Variants in MMP12 observed in about 807,000 individuals in gnomAD.
The protein encoded by MMP12 is matrix metallopeptidase 12.
In MMP12, 51 loss-of-function variants were observed where a neutral mutation model predicts 45.2. That is an observed-to-expected ratio of 1.13 (90% confidence interval 0.90 to 1.42). MMP12 has a LOEUF of 1.42. Among genes scored for constraint, MMP12 ranks in the 40% most tolerant of loss-of-function variants. The pLI, the probability that MMP12 is intolerant of heterozygous loss-of-function variation, is 0.00. For missense variants in MMP12, 530 were observed against 570.8 expected (o/e 0.93, Z 0.73); for synonymous variants, 210 against 193.3 (o/e 1.09, Z -0.72).
In MMP12 at chr11:102,872,977, C is replaced by G. The variant is rs1555009622; in HGVS notation, c.238G>C (p.Asp80His). ...FLGLKVTGQL[D>H]TSTLEMMHAP... ...TGCATCATCTCCAGGGTAGATGTGTCCAGTTGCCCGGTCACTTTCAGACCC... is the reference window on the plus strand; with the variant it reads ...TGCATCATCTCCAGGGTAGATGTGTGCAGTTGCCCGGTCACTTTCAGACCC... The change falls in exon 2 of 10, where the codon GAC (aspartate) becomes CAC (histidine). Residue 80 changes from aspartate (D) to histidine (H), a missense_variant. Transcript: ENST00000571244. 3 of 1,613,568 alleles carry G rather than the reference C, an allele frequency of 1.9e-6. No individual in the cohort carries two copies. Among genetic ancestry groups the G allele is most frequent in the Non-Finnish European group, 2.5e-6 (3 of 1,179,780 alleles).
intron 4 of MMP12, among the ~76,000 whole-genome samples, chr11:102,871,266 C>T (rs1859488953): frequency 6.6e-6 from 1 of 151,992 alleles, no homozygotes; most frequent in African/African-American, 2.4e-5. Context: ...ACAGCTTTTA[C>T]CTTTTCATAT....
intron 6 of MMP12, among the ~76,000 whole-genome samples, chr11:102,866,765 T>C (rs1370023033): frequency 6.6e-6 from 1 of 152,134 alleles, no homozygotes; most frequent in Non-Finnish European, 1.5e-5. Flanking sequence ...TCCTCAAGTG[T>C]ATCAGTCTTA....
Position 102,872,901 on chromosome 11 carries a change from C to A in MMP12, c.314G>T (p.Gly105Val). 6.2e-7 allele frequency: 1 copy of A among 1,613,810 alleles called. No homozygotes were observed. Among genetic ancestry groups the A allele is most frequent in the Non-Finnish European group, 8.5e-7 (1 of 1,179,830 alleles). The change falls in exon 2 of 10, where the codon GGG (glycine) becomes GTG (valine). Residue 105 changes from glycine to valine, a missense_variant. Gly to Val is a moderately radical substitution (Grantham distance 109, BLOSUM62 -3). Transcript: ENST00000571244. The stretch of plus-strand genomic sequence containing the variant: ...ATAATGTTTCCTCCATACGGGCCCC[C>A]CTGGCATTTCCCTGAAATGATGGAC... ...PDVHHFREMP[G>V]GPVWRKHYIT...
In MMP12 at chr11:102,863,014, T is replaced by C; in HGVS notation, c.*86A>G. ...TATTTTTATGATACATATCTCTAAG[T>C]AGTGGTACACTGAGGACATAGCAAA... On this transcript the variant is annotated 3_prime_UTR_variant, in exon 10 of 10. Transcript: ENST00000571244. 1 of 723,556 alleles carries C rather than the reference T, an allele frequency of 1.4e-6. No individual in the cohort carries two copies. Among genetic ancestry groups the C allele is most frequent in the Admixed American group, 2.7e-5 (1 of 37,358 alleles). The allele number at this position is 723,556 out of a possible 1,614,324, so 44.8% of individuals were successfully genotyped here. A position where few individuals can be genotyped will look rare whatever the true frequency, so the allele number is the denominator to read the frequency against.
At chr11:102,869,885 C>T (rs1207232886) in intron 4 of MMP12, among the ~76,000 whole-genome samples, 10 of 152,164 alleles carry the variant, frequency 6.6e-5, no homozygotes, top group African/African-American at 9.7e-5. Flanking sequence ...CACCACTGCA[C>T]TCCAGCCTGG....
Position 102,867,781 on chromosome 11 carries a change from C to A in MMP12, c.787+127G>T. On this transcript the variant is annotated intron_variant, in intron 5 of 9. Transcript: ENST00000571244. ...ATGAAGATAATACCTGTGTCACCTG[C>A]CACACAGGGTTCTTATGCGGCTTAA... The A allele has an allele frequency of 7.3e-6, 7 of 952,694 alleles. No homozygotes were observed. In the South Asian group the frequency reaches 1.0e-4, roughly 14 times the overall value. 59.0% of individuals were successfully genotyped at this position (952,694 alleles called of 1,614,324 possible).
Position 102,865,458 on chromosome 11 carries a change from C to T in MMP12, c.1205+318G>A, listed in dbSNP as rs1221951586. On this transcript the variant is annotated intron_variant, in intron 8 of 9. Transcript: ENST00000571244. The surrounding 1 kb of genome is among the most constrained non-coding windows in gnomAD (Gnocchi z 4.1). ...GGAAATCCATAACCCTCGAAACTGA[C>T]TGTAGATTAAATACTTGGTCTTGTA... Among the ~76,000 whole-genome samples, 16 of 152,184 alleles carry T rather than the reference C, an allele frequency of 1.1e-4. No homozygotes were observed. The highest frequency in any genetic ancestry group is 6.5e-4 in the Admixed American group (10 of 15,270).
intron 1 of MMP12, among the ~76,000 whole-genome samples, chr11:102,873,683 A>C (rs565103513): frequency 6.6e-6 from 1 of 152,320 alleles, no homozygotes; most frequent in Admixed American, 6.5e-5. Flanking sequence ...ATCCCAGTGG[A>C]AGTATCTTTT....
chr11:102,865,720 C>A lies in MMP12; in HGVS notation c.1205+56G>T. 1 of 1,467,074 alleles carries A rather than the reference C, an allele frequency of 6.8e-7. No homozygotes were observed. Among genetic ancestry groups the A allele is most frequent in the South Asian group, 1.4e-5 (1 of 73,992 alleles). 90.9% of individuals were successfully genotyped at this position (1,467,074 alleles called of 1,614,324 possible). A position where few individuals can be genotyped will look rare whatever the true frequency, so the allele number is the denominator to read the frequency against. On this transcript the variant is annotated intron_variant, in intron 8 of 9. Coordinates refer to ENST00000571244, the MANE Select transcript of MMP12 (RefSeq NM_002426.6). The surrounding 1 kb of genome is among the most constrained non-coding windows in gnomAD (Gnocchi z 4.1). ...AGAAAATGTGCCTTCTAGAAAGCCT[C>A]ATTCCATATCTGTTTCACAATCTGA...
In MMP12 at chr11:102,865,273, A is replaced by G. The variant is rs1859364460; in HGVS notation, c.1205+503T>C. Among the ~76,000 whole-genome samples, 2 of 152,228 alleles carry G rather than the reference A, an allele frequency of 1.3e-5. No homozygotes were observed. Among genetic ancestry groups the G allele is most frequent in the African/African-American group, 2.4e-5 (1 of 41,464 alleles). Reference sequence around the variant, plus strand: ...CCTCTCCTCCTTCAAAATGTAGACAATTGAGACAACAGAGACAGACACTCA... The same window carrying G: ...CCTCTCCTCCTTCAAAATGTAGACAGTTGAGACAACAGAGACAGACACTCA... On this transcript the variant is annotated intron_variant, in intron 8 of 9. Transcript: ENST00000571244. This position sits in a 1 kb window ranked among gnomAD's most constrained non-coding sequence, Gnocchi z 4.1.
intron 8 of MMP12, 47 bp from the exon 9 acceptor site, chr11:102,864,299 C>T: frequency 7.5e-7 from 1 of 1,327,334 alleles, no homozygotes; most frequent in Non-Finnish European, 1.1e-6. Flanking sequence ...AAGTGGCTTT[C>T]CTGACATGCA....
At position 102,865,585 on chromosome 11, in the gene MMP12, C is replaced by A. The variant is rs1325733314; in HGVS notation, c.1205+191G>T. On this transcript the variant is annotated intron_variant, in intron 8 of 9. Coordinates refer to ENST00000571244, the MANE Select transcript of MMP12 (RefSeq NM_002426.6). The surrounding 1 kb of genome is among the most constrained non-coding windows in gnomAD (Gnocchi z 4.1). Reference sequence around the variant, plus strand: ...AAAAAACACACATTATCTACTATTTCATATATCAGAAACCAAAAACACAAA... The same window carrying A: ...AAAAAACACACATTATCTACTATTTAATATATCAGAAACCAAAAACACAAA... Among the ~76,000 whole-genome samples the A allele has an allele frequency of 1.3e-5, 2 of 152,140 alleles. No homozygotes were observed. Among genetic ancestry groups the A allele is most frequent in the East Asian group, 3.9e-4 (2 of 5,176 alleles).
At chr11:102,864,287 G>T in intron 8 of MMP12, 35 bp from the exon 9 acceptor site, 1 of 1,480,454 alleles carries the variant, frequency 6.8e-7, no homozygotes, top group Non-Finnish European at 9.4e-7. Context: ...AACTCAATCA[G>T]AAAGTGGCTT....
At chr11:102,870,300 A>C (rs2134422147) in intron 4 of MMP12, among the ~76,000 whole-genome samples, 2 of 152,362 alleles carry the variant, frequency 1.3e-5, no homozygotes, top group East Asian at 3.9e-4. Flanking sequence ...CACATATAAC[A>C]TGTCTGGCTG....
rs1859368979 is a variant in MMP12, at chr11:102,865,555, T to TA, written c.1205+220_1205+221insT. ...ATGACATTTTATTTAGAGTGTTTTT[T>TA]TAAAAAAAAACACACATTATCTACT... On this transcript the variant is annotated intron_variant, in intron 8 of 9. Coordinates refer to ENST00000571244, the MANE Select transcript of MMP12 (RefSeq NM_002426.6). This position sits in a 1 kb window ranked among gnomAD's most constrained non-coding sequence, Gnocchi z 4.1. 6.6e-6 allele frequency among the ~76,000 whole-genome samples: 1 copy of TA among 151,574 alleles called. No individual in the cohort carries two copies. The highest frequency in any genetic ancestry group is 2.4e-5 in the African/African-American group (1 of 41,196).
At chr11:102,871,422 T>G (rs1457041929) in intron 4 of MMP12, among the ~76,000 whole-genome samples, 172 bp downstream of exon 4, 1 of 152,182 alleles carries the variant, frequency 6.6e-6, no homozygotes, top group South Asian at 2.1e-4. Context: ...CCATACGAAG[T>G]GTTAAATTTG....
In MMP12 at chr11:102,873,059, T is replaced by G. The variant is rs781874658; in HGVS notation, c.156A>C (p.Lys52Asn). 9.9e-6 allele frequency: 16 copies of G among 1,613,150 alleles called. 1 individual carries two copies. In the South Asian group the frequency reaches 1.5e-4, roughly 16 times the overall value. The change falls in exon 2 of 10, where the codon AAA becomes AAC. Residue 52 changes from lysine to asparagine, a missense_variant. Transcript: ENST00000571244. ...GLEINKLPVT[K>N]MKYSGNLMKE... ...TCATTAAGTTTCCACTATATTTCAT[T>G]TTTGTCACTGGAAGTTTGTTTATCT...
chr11:102,863,719 G>T (rs886842431), intron 9 of MMP12, among the ~76,000 whole-genome samples: 1 of 152,108 alleles, frequency 6.6e-6, no homozygotes, highest in Non-Finnish European at 1.5e-5. Context: ...TAACCCACCC[G>T]CAGTCCCCAG....
In MMP12 at chr11:102,873,580, A is replaced by G. The variant is rs553300185; in HGVS notation, c.103-468T>C. Among the ~76,000 whole-genome samples, 3 of 152,284 alleles carry G rather than the reference A, an allele frequency of 2.0e-5. No individual in the cohort carries two copies. In the East Asian group the frequency reaches 5.8e-4, roughly 29 times the overall value. On this transcript the variant is annotated intron_variant, in intron 1 of 9. Coordinates refer to ENST00000571244, the MANE Select transcript of MMP12 (RefSeq NM_002426.6). ...GTACCACTGCACTCCAGCCTGGATG[A>G]CAGACACAGACCCTGTCTCAAAAAA...
Sources: allele counts gnomAD v4.1 joint callset (sites outside exome capture counted in the v4.1 genomes callset), GRCh38; gene constraint gnomAD v4.1.1; non-coding constraint Gnocchi (gnomAD v3.1); transcripts MANE v1.5; gene names NCBI Gene and HGNC (gene_info 2026-07-23, HGNC 2026-07-21).